The following MYO9A variants were observed in gnomAD, a reference collection of about 807,000 sequenced individuals.
MYO9A encodes myosin IXA.
Under a neutral mutation model 293.3 loss-of-function variants are expected in MYO9A, and 103 were observed. The ratio of observed to expected loss-of-function variants is 0.35; its 90% CI spans 0.30 to 0.41. The LOEUF is 0.41. Ranked by LOEUF, MYO9A falls within the 10% of genes least tolerant of loss-of-function variation. The pLI is 1.00. For missense variants in MYO9A, 2,685 were observed against 3,033.0 expected (o/e 0.89, Z 2.69); for synonymous variants, 1,001 against 1,035.7 (o/e 0.97, Z 0.64).
intron 39 of MYO9A, among the ~76,000 whole-genome samples, chr15:71,841,315 G>A (rs1403897649): frequency 6.6e-6 from 1 of 152,086 alleles, no homozygotes; most frequent in Non-Finnish European, 1.5e-5. Flanking sequence ...TAATCAGAAT[G>A]CTTCCAGTGT....
intron 1 of MYO9A, among the ~76,000 whole-genome samples, chr15:72,116,321 CTT>C (rs1335530861): frequency 2.0e-5 from 3 of 152,178 alleles, no homozygotes; most frequent in African/African-American, 7.2e-5. Flanking sequence ...ACAAAGACCT[CTT>C]TATATTTCAT....
intron 15 of MYO9A, among the ~76,000 whole-genome samples, chr15:71,943,028 C>T (rs2058819019): frequency 6.6e-6 from 1 of 151,994 alleles, no homozygotes; most frequent in African/African-American, 2.4e-5. Flanking sequence ...ATTTTCACCT[C>T]TTTAATTAAA....
At chr15:71,925,237 A>G (rs529040976) in intron 18 of MYO9A, among the ~76,000 whole-genome samples, 9 of 72,250 alleles carry the variant, frequency 1.2e-4, no homozygotes, top group African/African-American at 4.2e-4. Context: ...ATATACACAT[A>G]TATATACATA....
chr15:71,912,258 G>GTTTTTTTT (rs34858713), intron 19 of MYO9A, among the ~76,000 whole-genome samples: 2 of 145,692 alleles, frequency 1.4e-5, no homozygotes, highest in African/African-American at 2.5e-5. Context: ...AAAGAGAAAA[G>GTTTTTTTT]TTTTTTTTTT....
intron 1 of MYO9A, among the ~76,000 whole-genome samples, chr15:72,057,361 C>T (rs903199957): frequency 1.3e-5 from 2 of 152,174 alleles, no homozygotes; most frequent in East Asian, 1.9e-4. Flanking sequence ...TAAAACATAA[C>T]GTGAATTATT....
Position 71,898,076 on chromosome 15 carries a change from G to C in MYO9A, c.4427C>G (p.Pro1476Arg), listed in dbSNP as rs16956375. The C allele has an allele frequency of 2.4e-3, 3,903 of 1,614,060 alleles. 61 individuals are homozygous for C. The East Asian group carries it at 0.027, about 11-fold the overall frequency. Residue 1476 changes from proline to arginine, a missense_variant, in exon 25 of 42, where the codon CCT becomes CGT. Transcript: ENST00000356056. ...YHCSGKDQIV[P>R]SLNTESSNPV... ...ATTAGAAGACTCTGTATTCAAAGAA[G>C]GAACAATCTGATCTTTTCCTGAGCA...
At position 71,939,636 on chromosome 15, in the gene MYO9A, T is replaced by A. The variant is rs1439977109; in HGVS notation, c.2303-709A>T. On this transcript the variant is annotated intron_variant, in intron 15 of 41. Transcript: ENST00000356056. ...CAGATAAATACAATGAGTATCAATG[T>A]ATTGAGAATTAATGTTATAAATACG... Among the ~76,000 whole-genome samples the A allele has an allele frequency of 3.3e-5, 5 of 152,218 alleles. No individual in the cohort carries two copies. The East Asian group carries it at 9.6e-4, about 29-fold the overall frequency.
intron 11 of MYO9A, among the ~76,000 whole-genome samples, chr15:71,983,905 T>C (rs766128414): frequency 7.2e-5 from 11 of 152,366 alleles, no homozygotes; most frequent in South Asian, 6.2e-4. Flanking sequence ...TGAGCTACAA[T>C]AGGAAACAAC....
At chr15:71,957,462 A>C (rs1306816824) in intron 14 of MYO9A, among the ~76,000 whole-genome samples, 1 of 152,168 alleles carries the variant, frequency 6.6e-6, no homozygotes, top group East Asian at 1.9e-4. Context: ...TGCCCAATAC[A>C]GAAGTAATTT....
At chr15:72,039,553 A>G (rs1390670030) in intron 2 of MYO9A, among the ~76,000 whole-genome samples, 1 of 152,180 alleles carries the variant, frequency 6.6e-6, no homozygotes, top group Non-Finnish European at 1.5e-5. Flanking sequence ...AAATCAGGCC[A>G]GGCACAGTGG....
chr15:71,849,357 G>A (rs146983747), intron 38 of MYO9A, among the ~76,000 whole-genome samples: 2,418 of 152,208 alleles, frequency 0.016, 74 homozygotes, highest in African/African-American at 0.055. Flanking sequence ...GCTGAGGCAC[G>A]AGAATCGCTT....
At chr15:71,875,276 T>C (rs927149283) in intron 32 of MYO9A, among the ~76,000 whole-genome samples, 3 of 152,096 alleles carry the variant, frequency 2.0e-5, no homozygotes, top group Admixed American at 6.6e-5. Flanking sequence ...TTTCCCTATA[T>C]ATTTAGGTTG....
At chr15:72,055,694 T>A (rs1307505933) in intron 1 of MYO9A, among the ~76,000 whole-genome samples, 1 of 151,144 alleles carries the variant, frequency 6.6e-6, no homozygotes, top group Non-Finnish European at 1.5e-5. Context: ...ACACAAAAGG[T>A]CAACAAACAT....
intron 15 of MYO9A, among the ~76,000 whole-genome samples, chr15:71,945,070 A>T (rs984920900): frequency 2.0e-5 from 3 of 152,194 alleles, no homozygotes; most frequent in African/African-American, 7.2e-5. Flanking sequence ...CTGCATATTA[A>T]ATTACTCCAA....
At chr15:71,956,330 A>ATATATACAT in intron 14 of MYO9A, among the ~76,000 whole-genome samples, 1 of 75,582 alleles carries the variant, frequency 1.3e-5, no homozygotes, top group African/African-American at 6.0e-5. Flanking sequence ...AAAAAAAAAA[A>ATATATACAT]ATATATATAT....
At chr15:71,922,175 C>T (rs1472760864) in intron 18 of MYO9A, among the ~76,000 whole-genome samples, 1 of 152,160 alleles carries the variant, frequency 6.6e-6, no homozygotes, top group Non-Finnish European at 1.5e-5. Context: ...CACAGGGTTT[C>T]ACCATGTTGC....
At position 71,999,857 on chromosome 15, in the gene MYO9A, C is replaced by T. The variant is rs778122525; in HGVS notation, c.1464G>A (p.Leu488=). ...VGEKLILPYK[L]AEAVTVRNSM... ...CAAAGAAAATCCATCATACCTCTGC[C>T]AACTTGTATGGCAAAATAAGCTTTT... The change falls in exon 9 of 42, where the codon TTG becomes TTA. Residue 488 remains leucine, a synonymous_variant. Coordinates refer to ENST00000356056, the MANE Select transcript of MYO9A (RefSeq NM_006901.4). 2.5e-6 allele frequency: 4 copies of T among 1,611,596 alleles called. No individual in the cohort carries two copies. The African/African-American group carries it at 5.3e-5, about 22-fold the overall frequency.
intron 6 of MYO9A, 82 bp downstream of exon 6, chr15:72,018,957 T>C (rs2077419531): frequency 3.7e-6 from 4 of 1,072,294 alleles, no homozygotes; most frequent in Non-Finnish European, 5.7e-6. Context: ...CTGATTTGCA[T>C]TCTAAATCTT....
At chr15:72,088,965 T>C (rs1348194936) in intron 1 of MYO9A, among the ~76,000 whole-genome samples, 3 of 152,206 alleles carry the variant, frequency 2.0e-5, no homozygotes, top group East Asian at 3.8e-4. Flanking sequence ...ATGTACACTT[T>C]TGCAGAATAA....
Sources: allele counts gnomAD v4.1 joint callset (sites outside exome capture counted in the v4.1 genomes callset), GRCh38; gene constraint gnomAD v4.1.1; transcripts MANE v1.5; gene names NCBI Gene and HGNC (gene_info 2026-07-23, HGNC 2026-07-21).